Variants in PRCP observed in about 807,000 individuals in gnomAD.
PRCP encodes the protein lysosomal Pro-X carboxypeptidase.
Under a neutral mutation model 54.2 loss-of-function variants are expected in PRCP, and 46 were observed. The ratio of observed to expected loss-of-function variants is 0.85; its 90% confidence interval spans 0.67 to 1.09. PRCP has a LOEUF of 1.09. Among genes scored for constraint, PRCP ranks in the 50% least tolerant of loss-of-function variants. The pLI is 0.00. For synonymous variants in PRCP, 240 were observed against 212.2 expected, an observed-to-expected ratio of 1.13 and a Z score of -1.14; for missense variants, 613 against 596.8, an observed-to-expected ratio of 1.03 and a Z score of -0.28.
chr11:82,876,763 C>G (rs1260537817), intron 1 of PRCP, among the ~76,000 whole-genome samples: 1 of 152,156 alleles, frequency 6.6e-6, no homozygotes, highest in Non-Finnish European at 1.5e-5. Flanking sequence ...TTTTTCTTCC[C>G]AGTCCCGGGT....
chr11:82,882,226 A>G (rs1186263859), intron 1 of PRCP, among the ~76,000 whole-genome samples: 3 of 152,196 alleles, frequency 2.0e-5, no homozygotes, highest in Non-Finnish European at 4.4e-5. Flanking sequence ...GTATTGAAAA[A>G]AAACGTTTAT....
At chr11:82,868,362 G>T (rs929489133) in intron 1 of PRCP, among the ~76,000 whole-genome samples, 4 of 152,076 alleles carry the variant, frequency 2.6e-5, no homozygotes, top group African/African-American at 4.8e-5. Context: ...CTTATTGAGT[G>T]CTCACTAAAA....
intron 3 of PRCP, among the ~76,000 whole-genome samples, chr11:82,851,406 T>C (rs1480451086): frequency 1.3e-5 from 2 of 150,244 alleles, no homozygotes; most frequent in African/African-American, 4.9e-5. Context: ...TGAGGGAAAT[T>C]AGCTGCCTTG....
chr11:82,836,501 C>G (rs1282093234), intron 8 of PRCP: 2 of 150,176 alleles, frequency 1.3e-5, no homozygotes, highest in East Asian at 3.8e-4. Context: ...TGTCTCCTTG[C>G]ATTTCTTTCA....
At chr11:82,870,552 T>C (rs936221650) in intron 1 of PRCP, among the ~76,000 whole-genome samples, 1 of 152,194 alleles carries the variant, frequency 6.6e-6, no homozygotes, top group Non-Finnish European at 1.5e-5. Flanking sequence ...ATGCCTCTCA[T>C]ATAACACCTT....
At chr11:82,872,020 A>G (rs1859493393) in intron 1 of PRCP, among the ~76,000 whole-genome samples, 1 of 152,244 alleles carries the variant, frequency 6.6e-6, no homozygotes, top group Non-Finnish European at 1.5e-5. Context: ...GTACAGTACA[A>G]CAAGATATTT....
At chr11:82,834,621 C>G (rs762486301) in intron 8 of PRCP, among the ~76,000 whole-genome samples, 4 of 152,164 alleles carry the variant, frequency 2.6e-5, no homozygotes, top group Non-Finnish European at 5.9e-5. Context: ...GAGCTGGAAG[C>G]CATTATCCTC....
intron 1 of PRCP, among the ~76,000 whole-genome samples, chr11:82,893,403 A>C (rs1591076063): frequency 1.3e-5 from 2 of 152,270 alleles, no homozygotes; most frequent in South Asian, 4.1e-4. Context: ...CATTCATTTC[A>C]GCACTAGAAA....
rs1235207607 is a variant in PRCP at position 82,853,161 on chromosome 11, T to C, written c.411+16A>G. 7.7e-6 allele frequency: 12 copies of C among 1,552,300 alleles called. No individual in the cohort carries two copies. Among genetic ancestry groups the C allele is most frequent in the Middle Eastern group, 1.7e-4 (1 of 5,874 alleles). ...AAAGAAAAAGCTTGTAACTTTTAAG[T>C]AAAAAGTATCTTTACCTTGAATGAG... On this transcript the variant is annotated intron_variant, in intron 3 of 8. Coordinates refer to ENST00000313010, the MANE Select transcript of PRCP (RefSeq NM_005040.4).
At chr11:82,871,683 T>C (rs575893309) in intron 1 of PRCP, among the ~76,000 whole-genome samples, 9 of 152,300 alleles carry the variant, frequency 5.9e-5, no homozygotes, top group Admixed American at 2.0e-4. Flanking sequence ...CAATCCAATC[T>C]TGCATACTAC....
chr11:82,832,133 T>A (rs1348998232), intron 8 of PRCP, among the ~76,000 whole-genome samples: 2 of 152,168 alleles, frequency 1.3e-5, no homozygotes, highest in Non-Finnish European at 2.9e-5. Context: ...GGTATTTGGG[T>A]TAGTTCCAAG....
chr11:82,837,071 G>T (rs1858546569), intron 8 of PRCP: 3 of 215,950 alleles, frequency 1.4e-5, no homozygotes, highest in Admixed American at 1.1e-4. Flanking sequence ...TTGTCAAGGT[G>T]ATGTCACACA....
intron 1 of PRCP, among the ~76,000 whole-genome samples, chr11:82,870,940 GT>G (rs755496477): frequency 9.9e-5 from 15 of 152,060 alleles, no homozygotes; most frequent in Non-Finnish European, 1.9e-4. Context: ...GCCATAATCT[GT>G]TTGCTGATTT....
chr11:82,852,962 G>A (rs1591050377), intron 3 of PRCP, among the ~76,000 whole-genome samples: 1 of 151,962 alleles, frequency 6.6e-6, no homozygotes, highest in Admixed American at 6.6e-5. Context: ...GGCACACAGA[G>A]TTAAAAACTG....
chr11:82,830,603 G>C (rs1047409801), intron 8 of PRCP: 2 of 137,716 alleles, frequency 1.5e-5, no homozygotes, highest in Non-Finnish European at 3.0e-5. Flanking sequence ...AATCCAGCCT[G>C]GGTGACAGAG....
chr11:82,862,217 G>T (rs192020288), intron 1 of PRCP, among the ~76,000 whole-genome samples: 102 of 152,144 alleles, frequency 6.7e-4, no homozygotes, highest in African/African-American at 2.3e-3. Context: ...ATAAGAAAAT[G>T]ATTTCTTAAA....
chr11:82,860,227 AC>A, intron 1 of PRCP, 110 bp from the exon 2 acceptor site: 1 of 720,708 alleles, frequency 1.4e-6, no homozygotes, highest in African/African-American at 1.8e-5. Context: ...AAAAATAATC[AC>A]AAGAAATTTT....
rs11284339 is a variant in PRCP, at chr11:82,844,732, C to CA, written c.921+4316dup. On this transcript the variant is annotated intron_variant, in intron 6 of 8. Transcript: ENST00000313010. Reference sequence around the variant, plus strand: ...TGGGAGACAGAGCGAGGCTCCGTCTCAAAAAAAAAAAAAAAAAAGAAAGAA... The same window carrying CA: ...TGGGAGACAGAGCGAGGCTCCGTCTCAAAAAAAAAAAAAAAAAAAGAAAGAA... Among the ~76,000 whole-genome samples the CA allele has an allele frequency of 6.7e-3, 608 of 91,072 alleles. 6 individuals are homozygous for CA. The highest frequency in any genetic ancestry group is 0.027 in the Middle Eastern group (5 of 182). 59.7% of individuals were successfully genotyped at this position (91,072 alleles called of 152,430 possible).
intron 5 of PRCP, among the ~76,000 whole-genome samples, chr11:82,849,636 G>A (rs1374097037): frequency 6.6e-6 from 1 of 152,178 alleles, no homozygotes; most frequent in African/African-American, 2.4e-5. Context: ...AAGTGAGGAT[G>A]TTTTTGCTGG....
Sources: gnomAD v4.1 joint callset for allele counts (sites outside exome capture counted in the v4.1 genomes callset) on GRCh38, gnomAD v4.1.1 for gene constraint, MANE v1.5 for transcripts, NCBI Gene and HGNC (gene_info 2026-07-23, HGNC 2026-07-21) for gene names.